Variants in PACS2 observed in about 807,000 individuals in gnomAD.
The protein encoded by PACS2 is PACS1-like protein.
A neutral mutation model predicts 113.0 loss-of-function variants in PACS2; 36 were observed. That is an observed-to-expected ratio of 0.32 (90% CI 0.24 to 0.42). PACS2 has a LOEUF of 0.42. PACS2 is among the 10% of genes least tolerant of loss of function. The pLI, the probability that PACS2 is intolerant of heterozygous loss-of-function variation, is 1.00. For missense variants in PACS2, 1,015 were observed against 1,239.5 expected (o/e 0.82, Z 2.72); for synonymous variants, 589 against 536.1 (o/e 1.10, Z -1.36).
At chr14:105,309,757 A>G (rs2058292771), upstream of PACS2, among the ~76,000 whole-genome samples, 1 of 136,424 alleles carries the variant, frequency 7.3e-6, no homozygotes, top group Admixed American at 7.4e-5. The surrounding 1 kb of genome is among the most constrained non-coding windows in gnomAD (Gnocchi z 4.0). Flanking sequence ...TGCATTAAGG[A>G]GAAGGTGGTG....
chr14:105,370,522 G>A (rs995222445), intron 8 of PACS2: 1 of 151,946 alleles, frequency 6.6e-6, no homozygotes, highest in Non-Finnish European at 1.5e-5. Context: ...AGACCAGCCT[G>A]GGCAACATAG....
upstream of PACS2, among the ~76,000 whole-genome samples, chr14:105,310,533 CAAAAAAAAA>C (rs764203821): frequency 1.3e-5 from 1 of 79,726 alleles, no homozygotes; most frequent in African/African-American, 5.2e-5. Context: ...GACTCTGTCT[CAAAAAAAAA>C]AAAAAAAAAA....
intron 4 of PACS2, among the ~76,000 whole-genome samples, chr14:105,359,123 C>T (rs782677863): frequency 2.6e-5 from 4 of 152,144 alleles, no homozygotes; most frequent in Non-Finnish European, 4.4e-5. Flanking sequence ...CCCAGGCCTT[C>T]GCATCCACAC....
chr14:105,391,589 G>A (rs1555414822), intron 21 of PACS2, 42 bp from the exon 22 acceptor site: 1 of 1,547,046 alleles, frequency 6.5e-7, no homozygotes, highest in East Asian at 2.4e-5. Context: ...CCCGGGCAGA[G>A]CAGCAGGTGG....
chr14:105,319,537 C>A (rs1353797147), intron 1 of PACS2, among the ~76,000 whole-genome samples: 2 of 152,114 alleles, frequency 1.3e-5, no homozygotes, highest in Non-Finnish European at 2.9e-5. Context: ...GTTGATTTTT[C>A]AAAGAAATCA....
chr14:105,391,967 G>T (rs1305198598), intron 22 of PACS2: 7 of 581,174 alleles, frequency 1.2e-5, no homozygotes, highest in Middle Eastern at 2.6e-4. Flanking sequence ...CAGGACCTCT[G>T]GGGGACAGAA....
chr14:105,325,224 G>A (rs2059059634), intron 1 of PACS2, among the ~76,000 whole-genome samples: 1 of 151,888 alleles, frequency 6.6e-6, no homozygotes, highest in African/African-American at 2.4e-5. Context: ...GGCTCGGGGT[G>A]GGGTGGGGCT....
At chr14:105,351,197 C>T (rs1159210878) in intron 2 of PACS2, among the ~76,000 whole-genome samples, 2 of 152,240 alleles carry the variant, frequency 1.3e-5, no homozygotes, top group South Asian at 2.1e-4. Flanking sequence ...TCTCGGGGCA[C>T]GAGGTCCCCA....
intron 1 of PACS2, among the ~76,000 whole-genome samples, chr14:105,328,104 A>G (rs1005678790): frequency 6.6e-6 from 1 of 152,240 alleles, no homozygotes; most frequent in African/African-American, 2.4e-5. Flanking sequence ...TCCCTGGGAA[A>G]ATTTCCAGCA....
chr14:105,369,301 C>A (rs1329361848), intron 7 of PACS2, among the ~76,000 whole-genome samples: 19 of 152,250 alleles, frequency 1.2e-4, no homozygotes, highest in African/African-American at 4.1e-4. Flanking sequence ...TTCCAGGGCC[C>A]CCTTGGGCCC....
At chr14:105,321,782 T>G (rs587749909) in intron 1 of PACS2, among the ~76,000 whole-genome samples, 1 of 152,198 alleles carries the variant, frequency 6.6e-6, no homozygotes, top group Admixed American at 6.6e-5. Context: ...GCTTTTTGTC[T>G]TTAGTATTGA....
chr14:105,367,223 A>G lies in PACS2; in HGVS notation c.434A>G (p.His145Arg), dbSNP rs2060972397. The stretch of plus-strand genomic sequence containing the variant: ...GCCCCTGGCCTGCAGGTGATGCAAC[A>G]CCCGTCTGAAGGTGGCCAGGTGCTG... ...GSISMAEVMQ[H>R]PSEGGQVLSL... The change falls in exon 5 of 25, where the codon CAC becomes CGC. Residue 145 changes from histidine to arginine, a missense_variant. His to Arg is a conservative substitution (Grantham distance 29). Around this residue, in one of 3 missense-constraint regions of PACS2, gnomAD observed 859 missense variants for 1,056.8 expected, o/e 0.81. Transcript: ENST00000447393. 2 of 1,612,860 alleles carry G rather than the reference A, an allele frequency of 1.2e-6. No homozygotes were observed. Among genetic ancestry groups the G allele is most frequent in the South Asian group, 2.2e-5 (2 of 91,068 alleles).
At position 105,329,620 on chromosome 14, in the gene PACS2, C is replaced by A. The variant is rs1384467168; in HGVS notation, c.119+14583C>A. 6.6e-6 allele frequency among the ~76,000 whole-genome samples: 1 copy of A among 152,174 alleles called. No individual in the cohort carries two copies. The highest frequency in any genetic ancestry group is 1.5e-5 in the Non-Finnish European group (1 of 68,026). ...AGCCAAGTGGCGGGCACCTTCTGGG[C>A]TTGGGGGCGGGGCTTCTCACGATGG... On this transcript the variant is annotated intron_variant, in intron 1 of 24. Transcript: ENST00000447393. The surrounding 1 kb of genome is among the most constrained non-coding windows in gnomAD (Gnocchi z 6.4).
In PACS2 at chr14:105,329,481, A is replaced by G. The variant is rs938594362; in HGVS notation, c.119+14444A>G. Among the ~76,000 whole-genome samples, 1 of 152,162 alleles carries G rather than the reference A, an allele frequency of 6.6e-6. No homozygotes were observed. The highest frequency in any genetic ancestry group is 6.6e-5 in the Admixed American group (1 of 15,266). ...CTGGCTGAGAGTCAAGGGGGTGTTC[A>G]GGGCCTCCAGGAGCTCTGGGAGAGT... On this transcript the variant is annotated intron_variant, in intron 1 of 24. Transcript: ENST00000447393. The surrounding 1 kb of genome is among the most constrained non-coding windows in gnomAD (Gnocchi z 6.4).
Position 105,383,497 on chromosome 14 carries a change from C to T in PACS2, c.1764C>T (p.Phe588=). 2.5e-6 allele frequency: 4 copies of T among 1,597,776 alleles called. No homozygotes were observed. Among genetic ancestry groups the T allele is most frequent in the Non-Finnish European group, 1.7e-6 (2 of 1,172,498 alleles). ...CCGACTGGCTCGGCTACATGCGCTT[C>T]CTGGTCATCCCACTGGGTGAGCACC... ...KTPDWLGYMR[F]LVIPLGSHPV... is the part of the protein sequence containing the mutation. Residue 588 remains phenylalanine, a synonymous_variant, in exon 16 of 25, where the codon TTC becomes TTT. Transcript: ENST00000447393.
intron 1 of PACS2, among the ~76,000 whole-genome samples, chr14:105,326,085 C>T (rs2059091772): frequency 6.6e-6 from 1 of 152,266 alleles, no homozygotes; most frequent in East Asian, 1.9e-4. Flanking sequence ...CCAGCCAGGA[C>T]TTCCCTCTTT....
chr14:105,326,976 G>A (rs1024858469), intron 1 of PACS2, among the ~76,000 whole-genome samples: 1 of 152,182 alleles, frequency 6.6e-6, no homozygotes, highest in African/African-American at 2.4e-5. Context: ...AGGTTGTCGC[G>A]CCTTGGAAAG....
chr14:105,392,001 G>A (rs2081375219), intron 22 of PACS2: 2 of 549,266 alleles, frequency 3.6e-6, no homozygotes, highest in Non-Finnish European at 6.4e-6. Context: ...GAATAAACAT[G>A]GGCGTTGTGC....
chr14:105,348,538 G>A lies in PACS2; in HGVS notation c.165G>A (p.Leu55=), dbSNP rs1459890362. 6.2e-7 allele frequency: 1 copy of A among 1,612,426 alleles called. No homozygotes were observed. The highest frequency in any genetic ancestry group is 8.5e-7 in the Non-Finnish European group (1 of 1,179,816). The change falls in exon 2 of 25, where the codon CTG becomes CTA. Residue 55 remains leucine (L), a synonymous_variant. Transcript: ENST00000447393. The surrounding 1 kb of genome is among the most constrained non-coding windows in gnomAD (Gnocchi z 6.4). ...AGAAGCTGGTGGTCTTCAAGGAGCT[G>A]GAGAAGGAGCTGATCTCCGTGGTGA... ...TLKKLVVFKE[L]EKELISVVIA...
Sources: allele counts gnomAD v4.1 joint callset (sites outside exome capture counted in the v4.1 genomes callset), GRCh38; gene constraint gnomAD v4.1.1; regional missense constraint gnomAD v4.1.1; non-coding constraint Gnocchi (gnomAD v3.1); transcripts MANE v1.5; gene names NCBI Gene and HGNC (gene_info 2026-07-23, HGNC 2026-07-21).